Variants in ESRRG observed in about 807,000 individuals in gnomAD.
ESRRG encodes the protein estrogen related receptor gamma.
In ESRRG, 13 loss-of-function variants were observed where a neutral mutation model predicts 44.0. That is an observed-to-expected ratio of 0.30 (90% CI 0.19 to 0.47). ESRRG has a LOEUF of 0.47. Among genes scored for constraint, ESRRG ranks in the 20% least tolerant of loss-of-function variants. The probability of loss-of-function intolerance (pLI) is 1.00; values close to 1 mark genes in which losing one functional copy is unlikely to be tolerated. For synonymous variants in ESRRG, 215 were observed against 214.6 expected (o/e 1.00, Z -0.02); for missense variants, 395 against 580.6 (o/e 0.68, Z 3.29).
At chr1:216,647,637 A>G (rs2067923409) in intron 3 of ESRRG, among the ~76,000 whole-genome samples, 2 of 152,198 alleles carry the variant, frequency 1.3e-5, no homozygotes, top group African/African-American at 4.8e-5. Flanking sequence ...CTAAACCATC[A>G]CTTTCTCCTT....
At chr1:216,898,696 A>G (rs1184845321) in intron 2 of ESRRG, among the ~76,000 whole-genome samples, 1 of 152,078 alleles carries the variant, frequency 6.6e-6, no homozygotes. Context: ...CACAGCTTTT[A>G]TACCCTGAAA....
intron 2 of ESRRG, among the ~76,000 whole-genome samples, chr1:216,763,345 G>GA (rs960111017): frequency 1.9e-4 from 29 of 151,938 alleles, no homozygotes; most frequent in African/African-American, 6.8e-4. Flanking sequence ...TTATTATTTA[G>GA]AAAAAACAAA....
At chr1:216,676,996 T>C (rs2076220093) in intron 2 of ESRRG, 80 bp downstream of exon 2, 3 of 997,018 alleles carry the variant, frequency 3.0e-6, no homozygotes, top group East Asian at 2.4e-5. Flanking sequence ...ACTTGACTTA[T>C]GAGAATAAGA....
At chr1:217,087,180 G>T (rs1008344394) in intron 1 of ESRRG, among the ~76,000 whole-genome samples, 1 of 152,146 alleles carries the variant, frequency 6.6e-6, no homozygotes, top group Non-Finnish European at 1.5e-5. Flanking sequence ...TAAAATTCTA[G>T]CTGCAACTGA....
chr1:216,512,604 GC>G (rs2043041018), intron 6 of ESRRG, among the ~76,000 whole-genome samples: 2 of 152,144 alleles, frequency 1.3e-5, no homozygotes, highest in South Asian at 4.1e-4. Context: ...AAGGGAAGGG[GC>G]TGAGATAGGA....
intron 3 of ESRRG, among the ~76,000 whole-genome samples, chr1:216,644,426 T>TC (rs1491026994): frequency 1.3e-5 from 1 of 75,412 alleles, no homozygotes; most frequent in East Asian, 3.2e-4. Flanking sequence ...TTTCTTTCTT[T>TC]CTTTTTTTTT....
At chr1:217,122,669 T>G (rs2092835688) in intron 1 of ESRRG, among the ~76,000 whole-genome samples, 1 of 145,364 alleles carries the variant, frequency 6.9e-6, no homozygotes, top group South Asian at 2.3e-4. Flanking sequence ...ACACACTTTT[T>G]TTTTTTTTTT....
At chr1:216,982,577 C>A (rs1309945674) in intron 1 of ESRRG, among the ~76,000 whole-genome samples, 1 of 151,844 alleles carries the variant, frequency 6.6e-6, no homozygotes, top group Non-Finnish European at 1.5e-5. Context: ...TTATAAAACA[C>A]CTTCAGGAGA....
intron 2 of ESRRG, among the ~76,000 whole-genome samples, chr1:216,911,067 C>A (rs1413077299): frequency 6.6e-6 from 1 of 152,030 alleles, no homozygotes; most frequent in Non-Finnish European, 1.5e-5. Flanking sequence ...ATCATCTTAT[C>A]TTGTAGGCCT....
chr1:216,932,094 C>T (rs1346067064), intron 2 of ESRRG, among the ~76,000 whole-genome samples: 2 of 152,084 alleles, frequency 1.3e-5, no homozygotes, highest in Admixed American at 6.6e-5. Context: ...ATCCGAGTTA[C>T]TCAGGAGGCT....
intron 1 of ESRRG, among the ~76,000 whole-genome samples, chr1:217,000,070 C>A (rs1287135742): frequency 1.3e-5 from 2 of 152,164 alleles, no homozygotes; most frequent in African/African-American, 4.8e-5. Flanking sequence ...TTTCATACAT[C>A]TTTGCTTATC....
chr1:217,117,429 A>G (rs973150113), intron 1 of ESRRG, among the ~76,000 whole-genome samples: 4 of 151,966 alleles, frequency 2.6e-5, no homozygotes, highest in Admixed American at 6.6e-5. Context: ...ACAAAAACCA[A>G]AAAAACCTAG....
At chr1:216,862,784 A>G (rs1187787973) in intron 2 of ESRRG, 1 of 152,154 alleles carries the variant, frequency 6.6e-6, no homozygotes, top group African/African-American at 2.4e-5. Flanking sequence ...TAAGGTAGCA[A>G]AAGAAAACTT....
intron 5 of ESRRG, among the ~76,000 whole-genome samples, chr1:216,540,525 T>C (rs140468606): frequency 7.9e-4 from 120 of 152,160 alleles, no homozygotes; most frequent in Middle Eastern, 6.8e-3. Flanking sequence ...CAGTCAATAT[T>C]ATGTTTAAAG....
chr1:216,650,964 G>C lies in ESRRG; in HGVS notation c.589+9C>G. The C allele has an allele frequency of 6.4e-7, 1 of 1,570,690 alleles. No individual in the cohort carries two copies. The highest frequency in any genetic ancestry group is 2.2e-5 in the East Asian group (1 of 44,666). ...TCAAAACCTCAGGGGCACTAGCAAA[G>C]AGCCTTACCTTCTTTCAGCATGCCC... On this transcript the variant is annotated intron_variant, in intron 3 of 6. Coordinates refer to ENST00000408911, the MANE Select transcript of ESRRG (RefSeq NM_001438.4).
At chr1:216,549,784 G>A (rs924223994) in intron 5 of ESRRG, among the ~76,000 whole-genome samples, 3 of 152,116 alleles carry the variant, frequency 2.0e-5, no homozygotes, top group African/African-American at 7.2e-5. Context: ...CCCCCTGAAG[G>A]AAAACCATTC....
intron 2 of ESRRG, among the ~76,000 whole-genome samples, chr1:216,910,654 T>A (rs71643425): frequency 0.015 from 2,266 of 152,320 alleles, 28 homozygotes; most frequent in Non-Finnish European, 0.023. Flanking sequence ...ATACTCTTGA[T>A]GTCAGGAAAT....
At chr1:216,527,093 A>C (rs978563541) in intron 5 of ESRRG, among the ~76,000 whole-genome samples, 1 of 152,234 alleles carries the variant, frequency 6.6e-6, no homozygotes, top group African/African-American at 2.4e-5. Context: ...AATCCTTGTC[A>C]TCTAAGATTT....
chr1:216,974,142 A>G (rs2072359339), intron 1 of ESRRG, among the ~76,000 whole-genome samples: 1 of 152,202 alleles, frequency 6.6e-6, no homozygotes, highest in African/African-American at 2.4e-5. Flanking sequence ...ACTTTCAACT[A>G]TATTCATCTT....
Sources: allele counts gnomAD v4.1 joint callset (sites outside exome capture counted in the v4.1 genomes callset), GRCh38; gene constraint gnomAD v4.1.1; transcripts MANE v1.5; gene names NCBI Gene and HGNC (gene_info 2026-07-23, HGNC 2026-07-21).